The following TXNDC11 variants were observed in gnomAD, a reference collection of about 807,000 sequenced individuals.
TXNDC11 encodes the protein thioredoxin domain-containing protein 11.
A neutral mutation model predicts 78.0 loss-of-function variants in TXNDC11; 68 were observed. The observed-to-expected ratio is 0.87, with a 90% confidence interval of 0.72 to 1.07. The LOEUF is 1.07. Ranked by LOEUF, TXNDC11 falls within the 50% of genes least tolerant of loss-of-function variation. TXNDC11 has a pLI of 0.00. For synonymous variants in TXNDC11, 571 were observed against 495.2 expected (o/e 1.15, Z -2.03); for missense variants, 1,389 against 1,221.8 (o/e 1.14, Z -2.04).
chr16:11,730,680 G>C lies in TXNDC11; in HGVS notation c.664C>G (p.Gln222Glu). The C allele has an allele frequency of 1.9e-6, 3 of 1,613,680 alleles. No homozygotes were observed. The highest frequency in any genetic ancestry group is 2.5e-6 in the Non-Finnish European group (3 of 1,179,708). The change falls in exon 4 of 12, where the codon CAA becomes GAA. Residue 222 changes from glutamine (Q) to glutamate (E), a missense_variant. By Grantham distance (29) the Gln-to-Glu change is conservative. Coordinates refer to ENST00000283033, the MANE Select transcript of TXNDC11 (RefSeq NM_015914.7). ...VMKPLLYIPS[Q>E]SELLDFLSNY... ...GAGAGAAAATCTAGTAATTCTGATT[G>C]AGATGGGATGTAGAGAAGTGGTTTC...
chr16:11,714,289 G>T (rs200065125), intron 5 of TXNDC11, among the ~76,000 whole-genome samples: 1 of 152,302 alleles, frequency 6.6e-6, no homozygotes, highest in East Asian at 1.9e-4. Flanking sequence ...CTCGCAAAGT[G>T]CTAGGATTAC....
chr16:11,738,738 C>G (rs1169577774), intron 1 of TXNDC11, among the ~76,000 whole-genome samples: 1 of 152,022 alleles, frequency 6.6e-6, no homozygotes, highest in Non-Finnish European at 1.5e-5. Flanking sequence ...ACCATTCAAA[C>G]TGCACATGGC....
chr16:11,703,505 T>G (rs991776060), intron 5 of TXNDC11, among the ~76,000 whole-genome samples: 1 of 123,702 alleles, frequency 8.1e-6, no homozygotes, highest in African/African-American at 3.4e-5. Flanking sequence ...CTTAAGGCTT[T>G]TGATACACAC....
intron 4 of TXNDC11, among the ~76,000 whole-genome samples, chr16:11,725,469 C>A (rs376778256): frequency 2.0e-5 from 3 of 151,998 alleles, no homozygotes; most frequent in Admixed American, 6.5e-5. Context: ...GAAGTTGTAA[C>A]CCCTGGGTAG....
intron 11 of TXNDC11, among the ~76,000 whole-genome samples, chr16:11,683,172 T>C (rs2050473099): frequency 6.6e-6 from 1 of 152,194 alleles, no homozygotes; most frequent in Non-Finnish European, 1.5e-5. Flanking sequence ...TTAATTTCTT[T>C]TTCCACTAAA....
chr16:11,706,845 A>C (rs535403944), intron 5 of TXNDC11, among the ~76,000 whole-genome samples: 1 of 152,150 alleles, frequency 6.6e-6, no homozygotes, highest in African/African-American at 2.4e-5. Context: ...TTAATATATG[A>C]CTACAGCTGA....
At chr16:11,708,477 C>T (rs2051246528) in intron 5 of TXNDC11, among the ~76,000 whole-genome samples, 1 of 152,138 alleles carries the variant, frequency 6.6e-6, no homozygotes, top group African/African-American at 2.4e-5. Context: ...CAAGGATACA[C>T]TGAAAGAACA....
At chr16:11,742,311 GAGA>G in intron 1 of TXNDC11, 163 bp downstream of exon 1, 1 of 505,632 alleles carries the variant, frequency 2.0e-6, no homozygotes, top group Non-Finnish European at 3.3e-6. Context: ...CCGGGGCGAG[GAGA>G]AGGTGGGAAG....
intron 4 of TXNDC11, among the ~76,000 whole-genome samples, chr16:11,723,256 T>C (rs1169657241): frequency 6.9e-6 from 1 of 144,506 alleles, no homozygotes; most frequent in Non-Finnish European, 1.5e-5. Context: ...CAAGAGTCCA[T>C]CTCAAAAAAA....
intron 7 of TXNDC11, chr16:11,692,316 C>T (rs2050744015): frequency 2.2e-6 from 1 of 458,006 alleles, no homozygotes; most frequent in Non-Finnish European, 3.9e-6. Context: ...CTTTGTCCAG[C>T]GTGTCCATGC....
chr16:11,691,939 C>T lies in TXNDC11; in HGVS notation c.1251G>A (p.Thr417=), dbSNP rs573295057. 45 of 1,612,006 alleles carry T rather than the reference C, an allele frequency of 2.8e-5. No homozygotes were observed. In the South Asian group the frequency reaches 4.5e-4, roughly 16 times the overall value. ...TGTTGCAGCAGGGGGACGCTGTGAT[C>T]GTTGGCGGGTCTGGCAGCTGTGCCG... is the stretch of plus-strand genomic sequence containing the variant. The part of the protein sequence containing the change: ...EVPAQLPDPP[T]ITASPCCNTV... Residue 417 remains threonine, a synonymous_variant, in exon 8 of 12, where the codon ACG becomes ACA. Coordinates refer to ENST00000283033, the MANE Select transcript of TXNDC11 (RefSeq NM_015914.7).
intron 5 of TXNDC11, among the ~76,000 whole-genome samples, chr16:11,707,858 G>A (rs977017017): frequency 6.6e-6 from 1 of 152,052 alleles, no homozygotes; most frequent in African/African-American, 2.4e-5. Context: ...TGAGGCAGGA[G>A]GATCACTTGA....
At position 11,734,049 on chromosome 16, in the gene TXNDC11, T is replaced by G. The variant is rs1169027591; in HGVS notation, c.502A>C (p.Asn168His). 6.2e-7 allele frequency: 1 copy of G among 1,603,770 alleles called. No individual in the cohort carries two copies. ...VLFVAINCWWNQGKCRKQKHF... is the reference protein window; with the variant it reads ...VLFVAINCWWHQGKCRKQKHF... ...TTCTGTTTTCTGCATTTCCCCTGGT[T>G]CCACCAACAGTTAATTGCCACAAAC... is the stretch of plus-strand genomic sequence containing the variant. The change falls in exon 3 of 12, where the codon AAC becomes CAC. Residue 168 changes from asparagine to histidine, a missense_variant. Transcript: ENST00000283033.
At chr16:11,683,325 A>G (rs944375024) in intron 11 of TXNDC11, among the ~76,000 whole-genome samples, 2 of 152,174 alleles carry the variant, frequency 1.3e-5, no homozygotes, top group African/African-American at 2.4e-5. Context: ...CGACCATCCC[A>G]TGGCGGACGT....
intron 4 of TXNDC11, among the ~76,000 whole-genome samples, chr16:11,730,117 AG>A (rs2141110058): frequency 6.6e-6 from 1 of 152,296 alleles, no homozygotes; most frequent in African/African-American, 2.4e-5. Flanking sequence ...ATAATTTACC[AG>A]GGGTTGAAGT....
rs145216124 is a variant in TXNDC11, at chr16:11,698,185, T to C, written c.1047A>G (p.Pro349=). 15 of 1,614,238 alleles carry C rather than the reference T, an allele frequency of 9.3e-6. No homozygotes were observed. In the East Asian group the frequency reaches 3.3e-4, roughly 36 times the overall value. ...TAAAAGGTATGAACAGAAACAGCGC[T>C]GGTCCTTTCTTCAGCTCGTTATTCA... ...LLLNNELKKG[P]ALFLFIPFNP... Residue 349 remains proline (P), a synonymous_variant, in exon 7 of 12, where the codon CCA becomes CCG. Transcript: ENST00000283033.
chr16:11,702,763 T>C (rs754550276), intron 5 of TXNDC11, among the ~76,000 whole-genome samples: 15 of 152,308 alleles, frequency 9.8e-5, no homozygotes, highest in Non-Finnish European at 1.5e-4. Context: ...GATATAAAAA[T>C]ATTGAGGTGT....
At chr16:11,686,945 C>T (rs912416555) in intron 10 of TXNDC11, among the ~76,000 whole-genome samples, 1 of 152,182 alleles carries the variant, frequency 6.6e-6, no homozygotes, top group Non-Finnish European at 1.5e-5. Flanking sequence ...AACTAGAGTG[C>T]CTTCACTAAG....
intron 1 of TXNDC11, among the ~76,000 whole-genome samples, chr16:11,739,002 G>A (rs998061751): frequency 6.6e-6 from 1 of 151,976 alleles, no homozygotes; most frequent in Admixed American, 6.6e-5. Context: ...ACTCCAGCCT[G>A]GGAAAAAAGA....
Sources: gnomAD v4.1 joint callset for allele counts (sites outside exome capture counted in the v4.1 genomes callset) on GRCh38, gnomAD v4.1.1 for gene constraint, MANE v1.5 for transcripts, NCBI Gene and HGNC (gene_info 2026-07-23, HGNC 2026-07-21) for gene names.